The following USP6NL variants were observed in gnomAD, a reference collection of about 807,000 sequenced individuals.
USP6NL encodes the protein USP6 N-terminal-like protein.
A neutral mutation model predicts 61.9 loss-of-function variants in USP6NL; 26 were observed. That is an observed-to-expected ratio of 0.42 (90% CI 0.31 to 0.58). The LOEUF (loss-of-function observed/expected upper bound fraction) is 0.58, where lower values mean the gene tolerates loss of function less well. USP6NL is among the 20% of genes least tolerant of loss of function. The pLI, the probability that USP6NL is intolerant of heterozygous loss-of-function variation, is 0.16. For synonymous variants in USP6NL, 432 were observed against 390.1 expected (o/e 1.11, Z -1.27); for missense variants, 1,114 against 1,034.3 (o/e 1.08, Z -1.06).
intron 5 of USP6NL, among the ~76,000 whole-genome samples, chr10:11,515,322 T>C (rs888068581): frequency 3.3e-5 from 5 of 152,262 alleles, no homozygotes; most frequent in Admixed American, 3.3e-4. Flanking sequence ...TAGCCTTCTC[T>C]TGTAGAATAA....
chr10:11,609,361 C>T (rs907330270), intron 1 of USP6NL, among the ~76,000 whole-genome samples: 5 of 152,164 alleles, frequency 3.3e-5, no homozygotes, highest in African/African-American at 1.2e-4. Context: ...GCCACTGCAA[C>T]CCGCCAGTCT....
chr10:11,466,990 A>G (rs995614667), intron 14 of USP6NL, among the ~76,000 whole-genome samples: 3 of 152,236 alleles, frequency 2.0e-5, no homozygotes, highest in Admixed American at 1.3e-4. Context: ...AGACAGGTTC[A>G]AAGTGCTTTA....
rs572564772 is a variant in USP6NL at position 11,576,448 on chromosome 10, G to A, written c.4+21183C>T. The stretch of plus-strand genomic sequence containing the variant: ...GTATCATGAAGCAGGACCTTTGAGA[G>A]TTGATTAAATCACAGGAGCAGAGCT... On this transcript the variant is annotated intron_variant, in intron 2 of 14. Transcript: ENST00000609104. Among the ~76,000 whole-genome samples the A allele has an allele frequency of 8.6e-4, 131 of 152,330 alleles. 1 individual carries two copies. The highest frequency in any genetic ancestry group is 1.6e-3 in the Non-Finnish European group (110 of 68,024).
chr10:11,554,886 G>A (rs1440546882), intron 2 of USP6NL, among the ~76,000 whole-genome samples: 2 of 146,206 alleles, frequency 1.4e-5, no homozygotes, highest in Admixed American at 7.0e-5. Flanking sequence ...TGCAAGCTCC[G>A]CCTCCTGGGT....
intron 3 of USP6NL, among the ~76,000 whole-genome samples, chr10:11,526,954 A>G (rs1300366879): frequency 6.6e-6 from 1 of 152,190 alleles, no homozygotes; most frequent in Non-Finnish European, 1.5e-5. Context: ...GTAAATTATG[A>G]ACGCAACGGA....
Position 11,581,023 on chromosome 10 carries a change from T to C in USP6NL, c.4+16608A>G, listed in dbSNP as rs146328379. 2.2e-3 allele frequency among the ~76,000 whole-genome samples: 341 copies of C among 152,276 alleles called. 1 individual carries two copies. The highest frequency in any genetic ancestry group is 9.3e-3 in the South Asian group (45 of 4,818). ...ATACTATTATTCAGAGCAAATAATG[T>C]TATAAGTAATTCAAACCAACACCCT... On this transcript the variant is annotated intron_variant, in intron 2 of 14. Coordinates refer to ENST00000609104, the MANE Select transcript of USP6NL (RefSeq NM_014688.5).
chr10:11,577,060 C>CT (rs200482211), intron 2 of USP6NL, among the ~76,000 whole-genome samples: 7,305 of 133,010 alleles, frequency 0.055, 275 homozygotes, highest in East Asian at 0.17. Flanking sequence ...CTTTAGAATT[C>CT]TTTTTTTTTT....
chr10:11,484,686 A>G (rs1296254950), intron 13 of USP6NL, among the ~76,000 whole-genome samples: 1 of 152,226 alleles, frequency 6.6e-6, no homozygotes, highest in Non-Finnish European at 1.5e-5. Context: ...CTTAACGAAA[A>G]ATATTACTAG....
intron 2 of USP6NL, among the ~76,000 whole-genome samples, chr10:11,531,265 T>A (rs1835645298): frequency 6.6e-6 from 1 of 152,136 alleles, no homozygotes. Flanking sequence ...GAAGAAAAAG[T>A]TCCTATTATT....
At chr10:11,584,981 T>A (rs772215560) in intron 2 of USP6NL, among the ~76,000 whole-genome samples, 1 of 152,026 alleles carries the variant, frequency 6.6e-6, no homozygotes, top group Non-Finnish European at 1.5e-5. Flanking sequence ...GAAACTCCAA[T>A]AAATATATAA....
rs1398212944 is a variant in USP6NL at position 11,463,293 on chromosome 10, G to T, written c.1635C>A (p.Gly545=). 1 of 1,613,742 alleles carries T rather than the reference G, an allele frequency of 6.2e-7. No individual in the cohort carries two copies. Among genetic ancestry groups the T allele is most frequent in the African/African-American group, 1.3e-5 (1 of 74,944 alleles). The change falls in exon 15 of 15, where the codon GGC becomes GGA. Residue 545 remains glycine (G), a synonymous_variant. Coordinates refer to ENST00000609104, the MANE Select transcript of USP6NL (RefSeq NM_014688.5). The surrounding 1 kb of genome is among the most constrained non-coding windows in gnomAD (Gnocchi z 6.3). ...CGTTGTCGTACTGCGATGCAGTGGAGCCCCGCTTCCCGTCCTCAGCATCCA... is the reference window on the plus strand; with the variant it reads ...CGTTGTCGTACTGCGATGCAGTGGATCCCCGCTTCCCGTCCTCAGCATCCA... ...KALDAEDGKR[G]STASQYDNVP...
intron 7 of USP6NL, among the ~76,000 whole-genome samples, chr10:11,500,518 C>T (rs1215426076): frequency 3.9e-5 from 6 of 151,914 alleles, no homozygotes; most frequent in African/African-American, 1.5e-4. Context: ...GGTATAGCTA[C>T]GAGATGACAA....
intron 2 of USP6NL, among the ~76,000 whole-genome samples, chr10:11,583,993 C>T (rs1837881713): frequency 6.6e-6 from 1 of 152,140 alleles, no homozygotes; most frequent in Non-Finnish European, 1.5e-5. Flanking sequence ...CACGTCACTG[C>T]ACTCCAGCCT....
At chr10:11,492,793 T>C (rs149248440) in intron 8 of USP6NL, among the ~76,000 whole-genome samples, 3 of 152,362 alleles carry the variant, frequency 2.0e-5, no homozygotes, top group East Asian at 3.9e-4. Context: ...GTCAAGGTTA[T>C]AGAGATACAT....
intron 2 of USP6NL, among the ~76,000 whole-genome samples, chr10:11,545,322 T>C (rs372778545): frequency 5.9e-5 from 9 of 152,252 alleles, no homozygotes; most frequent in African/African-American, 1.7e-4. Flanking sequence ...CTCTAGCTTC[T>C]TCACTGCTCT....
intron 14 of USP6NL, among the ~76,000 whole-genome samples, chr10:11,475,403 A>C (rs932625269): frequency 6.6e-6 from 1 of 151,878 alleles, no homozygotes; most frequent in Non-Finnish European, 1.5e-5. Context: ...GACCAGTCTG[A>C]CCAACATGGA....
At chr10:11,473,784 A>G (rs773960636) in intron 14 of USP6NL, among the ~76,000 whole-genome samples, 1 of 152,182 alleles carries the variant, frequency 6.6e-6, no homozygotes, top group Non-Finnish European at 1.5e-5. Context: ...TCAAAATTAA[A>G]ATAAATGTCA....
chr10:11,475,252 ACT>A (rs1832921376), intron 14 of USP6NL, among the ~76,000 whole-genome samples: 1 of 151,386 alleles, frequency 6.6e-6, no homozygotes, highest in South Asian at 2.1e-4. Flanking sequence ...ATTTAAGGTA[ACT>A]CTCTTGATAA....
In USP6NL at chr10:11,585,059, T is replaced by A. The variant is rs1380369125; in HGVS notation, c.4+12572A>T. Among the ~76,000 whole-genome samples, 1 of 152,222 alleles carries A rather than the reference T, an allele frequency of 6.6e-6. No homozygotes were observed. Among genetic ancestry groups the A allele is most frequent in the Non-Finnish European group, 1.5e-5 (1 of 68,036 alleles). ...GAGCATTCAAAGTTAAAATCTGTGA[T>A]TTTTCCATAATCATTTTGGGAGAAA... On this transcript the variant is annotated intron_variant, in intron 2 of 14. Coordinates refer to ENST00000609104, the MANE Select transcript of USP6NL (RefSeq NM_014688.5). The surrounding 1 kb of genome is among the most constrained non-coding windows in gnomAD (Gnocchi z 4.5).
Sources: gnomAD v4.1 joint callset for allele counts (sites outside exome capture counted in the v4.1 genomes callset) on GRCh38, gnomAD v4.1.1 for gene constraint, Gnocchi (gnomAD v3.1) non-coding constraint, MANE v1.5 for transcripts, NCBI Gene and HGNC (gene_info 2026-07-23, HGNC 2026-07-21) for gene names.